MERTK: variants seen among roughly 807,000 people sequenced by gnomAD.
MERTK encodes the protein MER proto-oncogene, tyrosine kinase.
In MERTK, 69 loss-of-function variants were observed where a neutral mutation model predicts 99.3. That is an observed-to-expected ratio of 0.70 (90% CI 0.57 to 0.85). The LOEUF is 0.85. MERTK is among the 40% of genes least tolerant of loss of function. MERTK has a pLI of 0.00. For synonymous variants in MERTK, 426 were observed against 467.6 expected, an observed-to-expected ratio of 0.91 and a Z score of 1.15; for missense variants, 1,125 against 1,249.4, an observed-to-expected ratio of 0.90 and a Z score of 1.50.
At chr2:111,980,402 G>A (rs13397194) in intron 7 of MERTK, among the ~76,000 whole-genome samples, 6,877 of 148,916 alleles carry the variant, frequency 0.046, 145 homozygotes, top group African/African-American at 0.055. Flanking sequence ...ACTTTGAGAC[G>A]CAACTATTTC....
At chr2:112,007,245 C>G (rs370126209) in intron 13 of MERTK, among the ~76,000 whole-genome samples, 1 of 152,210 alleles carries the variant, frequency 6.6e-6, no homozygotes, top group African/African-American at 2.4e-5. Context: ...AACTCCGCCT[C>G]CCGGATTCAG....
At chr2:112,011,610 G>A (rs1677107062) in intron 15 of MERTK, among the ~76,000 whole-genome samples, 1 of 152,128 alleles carries the variant, frequency 6.6e-6, no homozygotes, top group Non-Finnish European at 1.5e-5. Context: ...AATTAGCCAG[G>A]TGTGGTGGCA....
At chr2:111,932,006 T>A (rs1684680649) in intron 2 of MERTK, among the ~76,000 whole-genome samples, 1 of 152,158 alleles carries the variant, frequency 6.6e-6, no homozygotes, top group African/African-American at 2.4e-5. Flanking sequence ...CCCATCTCTT[T>A]AGAGTACAGA....
chr2:111,908,935 G>A (rs1227924516), intron 1 of MERTK, among the ~76,000 whole-genome samples: 2 of 152,132 alleles, frequency 1.3e-5, no homozygotes, highest in African/African-American at 2.4e-5. Flanking sequence ...CAAAAAACAA[G>A]CAATCCGATT....
intron 2 of MERTK, chr2:111,940,920 G>A (rs1238683120): frequency 2.9e-6 from 2 of 680,120 alleles, no homozygotes; most frequent in Non-Finnish European, 5.7e-6. Flanking sequence ...CAGTCTTGTA[G>A]TATCTGATTT....
At chr2:111,910,610 G>GTATA (rs1553444752) in intron 1 of MERTK, among the ~76,000 whole-genome samples, 2 of 143,586 alleles carry the variant, frequency 1.4e-5, no homozygotes, top group African/African-American at 2.6e-5. Flanking sequence ...GTGTGTGTGT[G>GTATA]TATATATATA....
rs766094337 is a variant in MERTK at position 112,028,355 on chromosome 2, G to A, written c.2491G>A (p.Glu831Lys). ...QPEDCLDELY[E>K]IMYSCWRTDP... ...CCACTTCTTTTTAACTTTCAGGTATGAAATAATGTACTCTTGCTGGAGAAC... is the reference window on the plus strand; with the variant it reads ...CCACTTCTTTTTAACTTTCAGGTATAAAATAATGTACTCTTGCTGGAGAAC... The change falls in exon 19 of 19, where the codon GAA (glutamate) becomes AAA (lysine). Residue 831 changes from glutamate (E) to lysine (K), a missense_variant. By Grantham distance (56) the Glu-to-Lys change is moderately conservative (BLOSUM62 1). Coordinates refer to ENST00000295408, the MANE Select transcript of MERTK (RefSeq NM_006343.3). The A allele has an allele frequency of 5.6e-6, 9 of 1,614,046 alleles. No individual in the cohort carries two copies. In the South Asian group the frequency reaches 9.9e-5, roughly 18 times the overall value.
At chr2:111,924,474 TTGGTCTCC>T (rs1684518750) in intron 1 of MERTK, among the ~76,000 whole-genome samples, 2 of 152,150 alleles carry the variant, frequency 1.3e-5, no homozygotes, top group African/African-American at 4.8e-5. Context: ...CCCCCTCTTC[TTGGTCTCC>T]TGTATCCTTC....
At chr2:111,913,163 A>T (rs1430234292) in intron 1 of MERTK, 1 of 774,838 alleles carries the variant, frequency 1.3e-6, no homozygotes, top group East Asian at 1.3e-4. Context: ...TATGCCAGGA[A>T]TCAAGGACAA....
At position 111,983,940 on chromosome 2, in the gene MERTK, A is replaced by C. The variant is rs577806466; in HGVS notation, c.1296+947A>C. Reference sequence around the variant, plus strand: ...CTTGAATTGGGCTTGTGTGTTAGTCAAGATTCTTTAGAGAAACAGCTAATT... The same window carrying C: ...CTTGAATTGGGCTTGTGTGTTAGTCCAGATTCTTTAGAGAAACAGCTAATT... On this transcript the variant is annotated intron_variant, in intron 8 of 18. Transcript: ENST00000295408. 5.9e-5 allele frequency among the ~76,000 whole-genome samples: 9 copies of C among 152,348 alleles called. No individual in the cohort carries two copies. The East Asian group carries it at 1.5e-3, about 26-fold the overall frequency.
chr2:111,968,156 T>C lies in MERTK; in HGVS notation c.864T>C (p.Thr288=), dbSNP rs762749580. The C allele has an allele frequency of 5.0e-6, 8 of 1,613,840 alleles. No homozygotes were observed. The highest frequency in any genetic ancestry group is 1.7e-4 in the Middle Eastern group (1 of 6,060). ...ATGCAGCAATTCCCTCCCCACCAAC[T>C]GAAGTCAGCATCCGTAACAGCACTG... ...INIKAIPSPP[T]EVSIRNSTAH... is the part of the protein sequence containing the mutation. Residue 288 remains threonine, a synonymous_variant, in exon 6 of 19, where the codon ACT becomes ACC. Transcript: ENST00000295408.
Position 112,003,131 on chromosome 2 carries a change from TAGA to T in MERTK, c.1734_1736del (p.Glu578del). 2 of 1,603,516 alleles carry T rather than the reference TAGA, an allele frequency of 1.2e-6. No individual in the cohort carries two copies. Among genetic ancestry groups the T allele is most frequent in the Non-Finnish European group, 1.7e-6 (2 of 1,170,612 alleles). ...GTCAGTGAGGAACTACAAAATAAAC[TAGA>T]AGATGTTGTGATTGACAGGAATCTT... On this transcript the variant is annotated inframe_deletion, in exon 12 of 19. Coordinates refer to ENST00000295408, the MANE Select transcript of MERTK (RefSeq NM_006343.3).
intron 1 of MERTK, among the ~76,000 whole-genome samples, chr2:111,905,239 G>A (rs1684115641): frequency 6.6e-6 from 1 of 152,074 alleles, no homozygotes; most frequent in Non-Finnish European, 1.5e-5. Context: ...CAGCTGGACA[G>A]CCATCCCTTC....
intron 18 of MERTK, 69 bp from the exon 19 acceptor site, chr2:112,028,282 C>T: frequency 6.7e-7 from 1 of 1,492,938 alleles, no homozygotes; most frequent in Non-Finnish European, 9.3e-7. Context: ...TCTGTAAAAA[C>T]AAAGGCATGG....
chr2:111,974,785 A>G (rs987338875), intron 6 of MERTK, among the ~76,000 whole-genome samples: 4 of 144,780 alleles, frequency 2.8e-5, no homozygotes, highest in Non-Finnish European at 6.2e-5. Context: ...AAAAAAAAAA[A>G]AAAAAAAGAA....
chr2:111,902,353 T>G (rs1174660101), intron 1 of MERTK, among the ~76,000 whole-genome samples: 1 of 152,226 alleles, frequency 6.6e-6, no homozygotes, highest in African/African-American at 2.4e-5. Flanking sequence ...TGAACACACA[T>G]GTGAAACAGT....
chr2:111,970,959 G>T (rs1174766676), intron 6 of MERTK, among the ~76,000 whole-genome samples: 1 of 151,876 alleles, frequency 6.6e-6, no homozygotes, highest in Non-Finnish European at 1.5e-5. Context: ...TGTTCTCTTT[G>T]TGGAAAGTTT....
At chr2:112,005,137 G>A (rs1232241488) in intron 13 of MERTK, among the ~76,000 whole-genome samples, 1 of 151,860 alleles carries the variant, frequency 6.6e-6, no homozygotes, top group East Asian at 1.9e-4. Context: ...GCGCCATCTT[G>A]GCTCACTGCA....
At chr2:111,959,469 G>C (rs1002891996) in intron 4 of MERTK, among the ~76,000 whole-genome samples, 2 of 151,742 alleles carry the variant, frequency 1.3e-5, no homozygotes, top group African/African-American at 2.4e-5. Context: ...TTGTTTGTTT[G>C]TTTCTTTTTG....
Sources: gnomAD v4.1 joint callset for allele counts (sites outside exome capture counted in the v4.1 genomes callset) on GRCh38, gnomAD v4.1.1 for gene constraint, MANE v1.5 for transcripts, NCBI Gene and HGNC (gene_info 2026-07-23, HGNC 2026-07-21) for gene names.